The following TENM1 variants were observed in gnomAD, a reference collection of about 807,000 sequenced individuals.
The protein encoded by TENM1 is teneurin-1.
In TENM1, 35 loss-of-function variants were observed where a neutral mutation model predicts 174.8. That is an observed-to-expected ratio of 0.20 (90% CI 0.15 to 0.27). The LOEUF (loss-of-function observed/expected upper bound fraction) is 0.27, where lower values mean the gene tolerates loss of function less well. Ranked by LOEUF, TENM1 falls within the 10% of genes least tolerant of loss-of-function variation. The pLI, the probability that TENM1 is intolerant of heterozygous loss-of-function variation, is 1.00. For synonymous variants in TENM1, 781 were observed against 798.7 expected, an observed-to-expected ratio of 0.98 and a Z score of 0.37; for missense variants, 1,633 against 2,130.1, an observed-to-expected ratio of 0.77 and a Z score of 4.59.
intron 3 of TENM1, among the ~76,000 whole-genome samples, chrX:124,758,373 G>T (rs773777040): frequency 9.0e-6 from 1 of 111,255 alleles, no homozygotes; most frequent in African/African-American, 3.3e-5. Flanking sequence ...CCAGTATAAA[G>T]AAAAATGGAA....
the TENM1 span, among the ~76,000 whole-genome samples, chrX:124,968,972 C>G: frequency 3.6e-5 from 4 of 111,745 alleles, no homozygotes; most frequent in East Asian, 1.1e-3. Context: ...AATGTTGTTC[C>G]AAATACTCTA....
At chrX:125,141,188 G>A in the TENM1 span, among the ~76,000 whole-genome samples, 2 of 111,700 alleles carry the variant, frequency 1.8e-5, no homozygotes, top group Non-Finnish European at 3.8e-5. Flanking sequence ...ATGCCCACAA[G>A]ACATTAAACT....
At chrX:124,551,546 A>C (rs2048573719) in intron 14 of TENM1, among the ~76,000 whole-genome samples, 1 of 110,643 alleles carries the variant, frequency 9.0e-6, no homozygotes, top group South Asian at 3.9e-4. Context: ...ACACACACAC[A>C]CACACACATA....
intron 3 of TENM1, among the ~76,000 whole-genome samples, chrX:124,874,920 AT>A (rs1390773600): frequency 9.0e-6 from 1 of 111,532 alleles, no homozygotes; most frequent in Non-Finnish European, 1.9e-5. Context: ...CACCCCGCTA[AT>A]TTATTTACAA....
chrX:124,873,549 C>T (rs1206650617), intron 3 of TENM1, among the ~76,000 whole-genome samples: 2 of 111,370 alleles, frequency 1.8e-5, no homozygotes, highest in African/African-American at 6.5e-5. Flanking sequence ...TAGATATCGT[C>T]TTATGAAATT....
At chrX:124,659,887 A>G (rs1178219997) in intron 6 of TENM1, among the ~76,000 whole-genome samples, 4 of 111,481 alleles carry the variant, frequency 3.6e-5, no homozygotes, top group Non-Finnish European at 7.5e-5. Flanking sequence ...AAAGAATAAT[A>G]CTTTCAACAA....
the TENM1 span, among the ~76,000 whole-genome samples, chrX:125,006,377 A>G: frequency 1.2e-4 from 13 of 111,989 alleles, no homozygotes; most frequent in East Asian, 3.7e-3. Flanking sequence ...AGGGGCTTAC[A>G]GACAGAACTC....
At chrX:124,856,956 C>T (rs1008912756) in intron 3 of TENM1, among the ~76,000 whole-genome samples, 3 of 111,246 alleles carry the variant, frequency 2.7e-5, no homozygotes, top group African/African-American at 9.8e-5. Context: ...TATCACAGTG[C>T]ACTGCATATA....
At position 124,429,360 on chromosome X, in the gene TENM1, T is replaced by TAA. The variant is rs200235205; in HGVS notation, c.4105-6724_4105-6723dup. 9.5e-3 allele frequency among the ~76,000 whole-genome samples: 1,055 copies of TAA among 111,362 alleles called. 10 individuals are homozygous for TAA. The highest frequency in any genetic ancestry group is 0.033 in the African/African-American group (1,000 of 30,636). ...CGTGCCAGGCACTATGTTATAAAGG[T>TAA]AAACAAACAGATTTCTGCTCTTGAT... On this transcript the variant is annotated intron_variant, in intron 23 of 31. Transcript: ENST00000422452.
the TENM1 span, among the ~76,000 whole-genome samples, chrX:125,016,989 G>A: frequency 8.9e-6 from 1 of 112,038 alleles, no homozygotes; most frequent in Non-Finnish European, 1.9e-5. Context: ...AATAAATGGT[G>A]TTGGGAAAAC....
chrX:124,647,870 G>T (rs2051201975), intron 8 of TENM1, among the ~76,000 whole-genome samples: 1 of 110,856 alleles, frequency 9.0e-6, no homozygotes, highest in African/African-American at 3.3e-5. Context: ...CTTTTCTTGT[G>T]TACCATTTTT....
At chrX:124,619,890 C>T (rs1188677724) in intron 11 of TENM1, among the ~76,000 whole-genome samples, 1 of 111,634 alleles carries the variant, frequency 9.0e-6, no homozygotes, top group African/African-American at 3.3e-5. Context: ...CTTACTCTGT[C>T]GGCATGGAAC....
chrX:125,049,109 T>C, the TENM1 span, among the ~76,000 whole-genome samples: 1 of 111,895 alleles, frequency 8.9e-6, no homozygotes, highest in African/African-American at 3.2e-5. Context: ...TCATATATCA[T>C]AAAATTCACC....
intron 14 of TENM1, among the ~76,000 whole-genome samples, chrX:124,560,489 A>G (rs1365400793): frequency 9.0e-6 from 1 of 111,190 alleles, no homozygotes; most frequent in African/African-American, 3.3e-5. Context: ...AACTTGTCCC[A>G]AATCATGCAG....
At chrX:124,634,714 A>T (rs2148355939) in intron 11 of TENM1, among the ~76,000 whole-genome samples, 1 of 112,300 alleles carries the variant, frequency 8.9e-6, no homozygotes, top group Admixed American at 9.4e-5. Flanking sequence ...ACGCAGAGTC[A>T]TGTGAAAAAT....
At chrX:124,566,214 G>C (rs1325486802) in intron 11 of TENM1, among the ~76,000 whole-genome samples, 1 of 112,186 alleles carries the variant, frequency 8.9e-6, no homozygotes, top group Non-Finnish European at 1.9e-5. Context: ...AGATGCCAAT[G>C]ATGACAACCA....
intron 4 of TENM1, among the ~76,000 whole-genome samples, chrX:124,715,679 A>T (rs2053166070): frequency 1.0e-5 from 1 of 99,076 alleles, no homozygotes; most frequent in Admixed American, 1.1e-4. Flanking sequence ...TTTGAGACAC[A>T]GTTTTCACTC....
intron 3 of TENM1, among the ~76,000 whole-genome samples, chrX:124,863,871 C>A (rs2056958025): frequency 8.9e-6 from 1 of 112,580 alleles, no homozygotes; most frequent in Admixed American, 9.4e-5. Context: ...GTGCCTGTGT[C>A]ACTCCATTCC....
chrX:124,888,333 C>A (rs919307788), intron 3 of TENM1, among the ~76,000 whole-genome samples: 5 of 111,186 alleles, frequency 4.5e-5, no homozygotes, highest in African/African-American at 1.6e-4. Flanking sequence ...GGGAGCTCAG[C>A]CGCCCAACAG....
Sources: allele counts gnomAD v4.1 joint callset (sites outside exome capture counted in the v4.1 genomes callset), GRCh38; gene constraint gnomAD v4.1.1; transcripts MANE v1.5; gene names NCBI Gene and HGNC (gene_info 2026-07-23, HGNC 2026-07-21).